DCAF5: variants seen among roughly 807,000 people sequenced by gnomAD.
The protein encoded by DCAF5 is DDB1 and CUL4 associated factor 5, also known as DDB1- and CUL4-associated factor 5.
DCAF5 carries 9 observed loss-of-function variants against 80.7 expected under a neutral mutation model. The ratio of observed to expected loss-of-function variants is 0.11; its 90% CI spans 0.07 to 0.19. DCAF5 has a LOEUF of 0.19. Ranked by LOEUF, DCAF5 falls within the 10% of genes least tolerant of loss-of-function variation. DCAF5 has a pLI of 1.00. For synonymous variants in DCAF5, 433 were observed against 461.9 expected (o/e 0.94, Z 0.80); for missense variants, 842 against 1,205.7 (o/e 0.70, Z 4.47).
chr14:69,078,594 T>C (rs1374499865), intron 6 of DCAF5, among the ~76,000 whole-genome samples: 6 of 152,246 alleles, frequency 3.9e-5, no homozygotes, highest in African/African-American at 7.2e-5. Context: ...AAGGAAATTC[T>C]GACACATGCT....
intron 5 of DCAF5, among the ~76,000 whole-genome samples, chr14:69,097,715 C>G (rs1566751339): frequency 6.6e-6 from 1 of 151,468 alleles, no homozygotes; most frequent in Middle Eastern, 3.4e-3. Context: ...GCCTCCCCAG[C>G]AGCTGGGATT....
intron 5 of DCAF5, among the ~76,000 whole-genome samples, chr14:69,106,348 G>A (rs2140021857): frequency 6.6e-6 from 1 of 151,084 alleles, no homozygotes; most frequent in East Asian, 2.0e-4. Context: ...GAGCCACCGT[G>A]CCCACCTTAA....
At chr14:69,062,619 T>A (rs2038261731) in intron 7 of DCAF5, 108 bp from the exon 8 acceptor site, 2 of 1,245,280 alleles carry the variant, frequency 1.6e-6, no homozygotes, top group Non-Finnish European at 2.2e-6. Context: ...ATTTTTGGAT[T>A]ATACCACCAG....
chr14:69,131,263 T>G (rs2140092941), intron 1 of DCAF5, among the ~76,000 whole-genome samples: 1 of 152,018 alleles, frequency 6.6e-6, no homozygotes, highest in Admixed American at 6.6e-5. Context: ...TTTCTTTTCT[T>G]TTTTTTTAAC....
intron 5 of DCAF5, among the ~76,000 whole-genome samples, chr14:69,104,654 A>G (rs1332109610): frequency 6.6e-6 from 1 of 152,028 alleles, no homozygotes. Context: ...CCAGGAATTC[A>G]AGACCAGCCT....
chr14:69,151,677 C>A (rs2140137095), intron 1 of DCAF5, among the ~76,000 whole-genome samples: 1 of 152,244 alleles, frequency 6.6e-6, no homozygotes, highest in East Asian at 1.9e-4. Flanking sequence ...CTGCCCTGGG[C>A]CCGCGACCCC....
intron 6 of DCAF5, among the ~76,000 whole-genome samples, chr14:69,087,808 C>T (rs1488352754): frequency 6.6e-6 from 1 of 152,110 alleles, no homozygotes; most frequent in Non-Finnish European, 1.5e-5. Context: ...GTTAGGAAGC[C>T]TTCAGCAGGA....
At chr14:69,131,812 C>T (rs2041046523) in intron 1 of DCAF5, among the ~76,000 whole-genome samples, 1 of 148,396 alleles carries the variant, frequency 6.7e-6, no homozygotes, top group Non-Finnish European at 1.5e-5. Context: ...AGTTTTGTGG[C>T]ATTAACTACA....
intron 5 of DCAF5, among the ~76,000 whole-genome samples, chr14:69,103,135 T>C (rs2040022034): frequency 6.6e-6 from 1 of 152,238 alleles, no homozygotes; most frequent in African/African-American, 2.4e-5. Flanking sequence ...GGACAAATTC[T>C]CAACACATAC....
chr14:69,084,387 G>GT, intron 6 of DCAF5: 1 of 917,282 alleles, frequency 1.1e-6, no homozygotes, highest in South Asian at 1.3e-5. Context: ...GAAGCTGATC[G>GT]TATCTTGGAT....
chr14:69,106,651 C>T (rs1011235216), intron 5 of DCAF5, among the ~76,000 whole-genome samples: 3 of 152,180 alleles, frequency 2.0e-5, no homozygotes, highest in African/African-American at 7.2e-5. Flanking sequence ...GGATTACAGG[C>T]GTGAGCCACT....
chr14:69,143,843 A>T (rs923733343), intron 1 of DCAF5: 3 of 152,546 alleles, frequency 2.0e-5, no homozygotes, highest in African/African-American at 7.2e-5. Flanking sequence ...TACGTTTCAC[A>T]TCATTTTTTT....
intron 1 of DCAF5, among the ~76,000 whole-genome samples, chr14:69,139,667 T>G (rs1231651121): frequency 6.6e-6 from 1 of 150,704 alleles, no homozygotes; most frequent in Non-Finnish European, 1.5e-5. Context: ...CACGAAAAAA[T>G]TAGCTGGGTG....
chr14:69,064,813 GGTGCAAT>G (rs1392981121), intron 7 of DCAF5, among the ~76,000 whole-genome samples: 1 of 152,084 alleles, frequency 6.6e-6, no homozygotes, highest in Non-Finnish European at 1.5e-5. Flanking sequence ...TAGAACCTGG[GGTGCAAT>G]GTCCAAAGTC....
chr14:69,082,059 CT>C (rs2039126839), intron 6 of DCAF5, among the ~76,000 whole-genome samples: 1 of 152,220 alleles, frequency 6.6e-6, no homozygotes, highest in Admixed American at 6.5e-5. Flanking sequence ...TTATTTTCCC[CT>C]GACCTTCTGT....
chr14:69,124,015 C>T (rs1208152616), intron 1 of DCAF5, among the ~76,000 whole-genome samples: 1 of 152,126 alleles, frequency 6.6e-6, no homozygotes, highest in Non-Finnish European at 1.5e-5. Context: ...CACTATTCTA[C>T]TTTCTGCCTC....
At chr14:69,138,566 T>G (rs775717416) in intron 1 of DCAF5, among the ~76,000 whole-genome samples, 1 of 152,188 alleles carries the variant, frequency 6.6e-6, no homozygotes, top group Non-Finnish European at 1.5e-5. Context: ...AAGTCCTTTT[T>G]AAATGCAGAA....
chr14:69,121,697 T>C (rs1453698423), intron 2 of DCAF5, among the ~76,000 whole-genome samples: 2 of 152,102 alleles, frequency 1.3e-5, no homozygotes, highest in East Asian at 3.9e-4. Context: ...GAACTAGAAA[T>C]GTGGGGTCAG....
chr14:69,083,741 A>G, intron 6 of DCAF5: 1 of 660,984 alleles, frequency 1.5e-6, no homozygotes. Flanking sequence ...ATGGTGAATG[A>G]TGCTGAGTCT....
Sources: gnomAD v4.1 joint callset for allele counts (sites outside exome capture counted in the v4.1 genomes callset) on GRCh38, gnomAD v4.1.1 for gene constraint, MANE v1.5 for transcripts, NCBI Gene and HGNC (gene_info 2026-07-23, HGNC 2026-07-21) for gene names.